The following ANKH variants were observed in gnomAD, a reference collection of about 807,000 sequenced individuals.
The protein encoded by ANKH is ANKH inorganic pyrophosphate transport regulator.
ANKH carries 15 observed loss-of-function variants against 49.0 expected under a neutral mutation model. The ratio of observed to expected loss-of-function variants is 0.31; its 90% confidence interval spans 0.20 to 0.47. The LOEUF (loss-of-function observed/expected upper bound fraction) is 0.47. Ranked by LOEUF, ANKH falls within the 20% of genes least tolerant of loss-of-function variation. ANKH has a pLI of 1.00. For synonymous variants in ANKH, 273 were observed against 260.0 expected (o/e 1.05, Z -0.48); for missense variants, 429 against 652.0 (o/e 0.66, Z 3.72).
intron 1 of ANKH, among the ~76,000 whole-genome samples, chr5:14,825,121 C>A (rs1167015827): frequency 1.3e-5 from 2 of 152,206 alleles, no homozygotes; most frequent in African/African-American, 2.4e-5. Context: ...TAGGTGCTTT[C>A]CTCATTCAGC....
intron 1 of ANKH, among the ~76,000 whole-genome samples, chr5:14,801,587 T>C (rs567788759): frequency 6.6e-6 from 1 of 152,360 alleles, no homozygotes; most frequent in African/African-American, 2.4e-5. Flanking sequence ...ACAGTGGCAT[T>C]ACAGAACTTA....
At position 14,778,973 on chromosome 5, in the gene ANKH, G is replaced by A. The variant is rs538039895; in HGVS notation, c.97-9782C>T. ...CCATTCCCTGCTCTCAGTACTCCTA[G>A]GCTGGGAAGACTTTGAGATGCATTC... is the stretch of plus-strand genomic sequence containing the variant. On this transcript the variant is annotated intron_variant, in intron 1 of 11. Coordinates refer to ENST00000284268, the MANE Select transcript of ANKH (RefSeq NM_054027.6). Among the ~76,000 whole-genome samples, 10 of 152,240 alleles carry A rather than the reference G, an allele frequency of 6.6e-5. No homozygotes were observed. The East Asian group carries it at 1.7e-3, about 26-fold the overall frequency.
Position 14,757,695 on chromosome 5 carries a change from A to G in ANKH, c.432+785T>C, listed in dbSNP as rs151141312. Among the ~76,000 whole-genome samples, 727 of 152,258 alleles carry G rather than the reference A, an allele frequency of 4.8e-3. 5 individuals are homozygous for G. The highest frequency in any genetic ancestry group is 6.5e-3 in the Non-Finnish European group (445 of 67,998). ...TGATTCTGATCCTTTGATCCTGAGT[A>G]TATCAGAAAAGAACTGTTTATCTGC... On this transcript the variant is annotated intron_variant, in intron 3 of 11. Coordinates refer to ENST00000284268, the MANE Select transcript of ANKH (RefSeq NM_054027.6).
chr5:14,766,217 C>A (rs1739253814), intron 2 of ANKH, among the ~76,000 whole-genome samples: 1 of 147,192 alleles, frequency 6.8e-6, no homozygotes, highest in African/African-American at 2.5e-5. Context: ...CATGGCAAAA[C>A]CCTATCTCTA....
At chr5:14,744,059 C>T (rs72732794) in intron 7 of ANKH, among the ~76,000 whole-genome samples, 204 of 152,324 alleles carry the variant, frequency 1.3e-3, no homozygotes, top group African/African-American at 4.5e-3. Flanking sequence ...AGAAGACATA[C>T]ATTCATGCTG....
At chr5:14,796,547 C>T (rs1358626025) in intron 1 of ANKH, among the ~76,000 whole-genome samples, 5 of 148,958 alleles carry the variant, frequency 3.4e-5, no homozygotes, top group East Asian at 2.0e-4. Context: ...AATACACTAA[C>T]GAGCAAAAAT....
intron 8 of ANKH, among the ~76,000 whole-genome samples, chr5:14,718,102 G>A (rs545676959): frequency 9.2e-5 from 14 of 152,240 alleles, no homozygotes; most frequent in African/African-American, 3.1e-4. Flanking sequence ...GAGAAAAGAC[G>A]TAAAGTTCCT....
intron 1 of ANKH, among the ~76,000 whole-genome samples, chr5:14,782,210 A>G (rs1739829090): frequency 6.6e-6 from 1 of 152,190 alleles, no homozygotes. Context: ...TAAGAAATCC[A>G]GTGACCATGA....
intron 11 of ANKH, among the ~76,000 whole-genome samples, chr5:14,712,266 C>T (rs1219766289): frequency 6.6e-6 from 1 of 152,234 alleles, no homozygotes; most frequent in Non-Finnish European, 1.5e-5. Flanking sequence ...TCTGCTGCCC[C>T]GGCCTGTTCA....
In ANKH at chr5:14,745,984, G is replaced by A; in HGVS notation, c.823-22C>T. ...CTGCCTGCAACAGGAAGAGGTGGCA[G>A]AGTTAGCAGGGTACCAGCAGGAAGT... On this transcript the variant is annotated intron_variant, in intron 6 of 11. Coordinates refer to ENST00000284268, the MANE Select transcript of ANKH (RefSeq NM_054027.6). The surrounding 1 kb of genome is among the most constrained non-coding windows in gnomAD (Gnocchi z 4.7). The A allele has an allele frequency of 6.2e-7, 1 of 1,601,442 alleles. No individual in the cohort carries two copies. The highest frequency in any genetic ancestry group is 8.6e-7 in the Non-Finnish European group (1 of 1,168,886).
At chr5:14,857,635 G>T (rs899250320) in intron 1 of ANKH, among the ~76,000 whole-genome samples, 1 of 151,774 alleles carries the variant, frequency 6.6e-6, no homozygotes, top group Admixed American at 6.6e-5. Context: ...TCCAGCCTGG[G>T]CAACAGAGAC....
At chr5:14,842,813 A>G (rs1037104306) in intron 1 of ANKH, among the ~76,000 whole-genome samples, 6 of 152,192 alleles carry the variant, frequency 3.9e-5, no homozygotes, top group African/African-American at 1.2e-4. Flanking sequence ...AGGAGCAATC[A>G]TATCACCCAT....
rs535353369 is a variant in ANKH at position 14,770,236 on chromosome 5, C to T, written c.97-1045G>A. 1.3e-5 allele frequency among the ~76,000 whole-genome samples: 2 copies of T among 152,252 alleles called. No homozygotes were observed. Among genetic ancestry groups the T allele is most frequent in the African/African-American group, 2.4e-5 (1 of 41,548 alleles). On this transcript the variant is annotated intron_variant, in intron 1 of 11. Coordinates refer to ENST00000284268, the MANE Select transcript of ANKH (RefSeq NM_054027.6). The surrounding 1 kb of genome is among the most constrained non-coding windows in gnomAD (Gnocchi z 4.1). ...ATATATCCTTTGCCCCCCACAAACA[C>T]GGAGCCTCCCCTGCTATCAACATCC...
At chr5:14,845,843 C>CTTTTTT (rs59264153) in intron 1 of ANKH, among the ~76,000 whole-genome samples, 2 of 82,566 alleles carry the variant, frequency 2.4e-5, no homozygotes, top group Non-Finnish European at 2.3e-5. Flanking sequence ...CCTATGCACA[C>CTTTTTT]TTTTTTTTTT....
At chr5:14,742,526 G>A (rs1263201872) in intron 7 of ANKH, among the ~76,000 whole-genome samples, 1 of 152,112 alleles carries the variant, frequency 6.6e-6, no homozygotes, top group African/African-American at 2.4e-5. Flanking sequence ...CTCTTTCTAA[G>A]GCCCATCATC....
chr5:14,830,371 T>C (rs1265702500), intron 1 of ANKH, among the ~76,000 whole-genome samples: 1 of 151,984 alleles, frequency 6.6e-6, no homozygotes, highest in Non-Finnish European at 1.5e-5. Flanking sequence ...GGCGACAGCA[T>C]GAGTAGGAGG....
At chr5:14,823,113 A>C (rs1741243358) in intron 1 of ANKH, among the ~76,000 whole-genome samples, 1 of 152,244 alleles carries the variant, frequency 6.6e-6, no homozygotes, top group Non-Finnish European at 1.5e-5. Flanking sequence ...TAATTTTATA[A>C]CACTAAATAA....
At chr5:14,729,575 G>T (rs1254675391) in intron 8 of ANKH, among the ~76,000 whole-genome samples, 2 of 152,110 alleles carry the variant, frequency 1.3e-5, no homozygotes, top group Non-Finnish European at 2.9e-5. Context: ...CTTCTAGGAG[G>T]CGTTTCCTTT....
intron 1 of ANKH, among the ~76,000 whole-genome samples, chr5:14,849,842 A>G (rs1230346267): frequency 3.3e-5 from 5 of 152,060 alleles, no homozygotes; most frequent in Admixed American, 6.5e-5. Context: ...TGCATCCTCA[A>G]AAGAAGGTGG....
Sources: gnomAD v4.1 joint callset for allele counts (sites outside exome capture counted in the v4.1 genomes callset) on GRCh38, gnomAD v4.1.1 for gene constraint, Gnocchi (gnomAD v3.1) non-coding constraint, MANE v1.5 for transcripts, NCBI Gene and HGNC (gene_info 2026-07-23, HGNC 2026-07-21) for gene names.